The following CGGBP1 variants were observed in gnomAD, a reference collection of about 807,000 sequenced individuals.
CGGBP1 encodes CGG triplet repeat-binding protein 1.
Under a neutral mutation model 11.4 loss-of-function variants are expected in CGGBP1, and 4 were observed. That is an observed-to-expected ratio of 0.35 (90% confidence interval 0.17 to 0.80). The LOEUF is 0.80. Among genes scored for constraint, CGGBP1 ranks in the 30% least tolerant of loss-of-function variants. The pLI is 0.52. For missense variants in CGGBP1, 135 were observed against 202.1 expected, an observed-to-expected ratio of 0.67 and a Z score of 2.01; for synonymous variants, 76 against 74.1, an observed-to-expected ratio of 1.03 and a Z score of -0.13.
Position 88,139,814 on chromosome 3 carries a change from T to C in CGGBP1, c.-229+1156A>G, listed in dbSNP as rs747216698. Reference sequence around the variant, plus strand: ...AAGGTGATTATGAAGAAGATGATTATGACCTGAATCAAGAAACTTCAGTAA... The same window carrying C: ...AAGGTGATTATGAAGAAGATGATTACGACCTGAATCAAGAAACTTCAGTAA... On this transcript the variant is annotated intron_variant, in intron 2 of 3. Coordinates refer to the CGGBP1 transcript ENST00000462901. 7 of 1,561,472 alleles carry C rather than the reference T, an allele frequency of 4.5e-6. No individual in the cohort carries two copies. The East Asian group carries it at 1.4e-4, about 32-fold the overall frequency.
intron 2 of CGGBP1, among the ~76,000 whole-genome samples, chr3:88,097,717 G>A (rs1559707998): frequency 6.6e-6 from 1 of 151,976 alleles, no homozygotes; most frequent in Non-Finnish European, 1.5e-5. Context: ...CTGAACAACC[G>A]GCTCCTGAAT....
At chr3:88,056,441 G>A (rs1281919105) in intron 3 of CGGBP1, 1 of 152,274 alleles carries the variant, frequency 6.6e-6, no homozygotes, top group Non-Finnish European at 1.5e-5. Context: ...ACACAACTGT[G>A]GATAAAGTTT....
chr3:88,113,636 A>G (rs1231118796), intron 2 of CGGBP1, among the ~76,000 whole-genome samples: 1 of 152,090 alleles, frequency 6.6e-6, no homozygotes, highest in African/African-American at 2.4e-5. Context: ...GAAGAGAGTA[A>G]ATTCAGATGG....
intron 2 of CGGBP1, among the ~76,000 whole-genome samples, chr3:88,111,688 T>C (rs1451340179): frequency 6.6e-6 from 1 of 152,004 alleles, no homozygotes; most frequent in Non-Finnish European, 1.5e-5. Flanking sequence ...TATATGTATA[T>C]TTCGAGGATG....
Position 88,058,029 on chromosome 3 carries a change from T to C in CGGBP1, c.-136A>G, listed in dbSNP as rs8274. The C allele has an allele frequency of 0.13, 19,361 of 152,290 alleles. 1,269 individuals are homozygous for C. The highest frequency in any genetic ancestry group is 0.15 in the African/African-American group (6,266 of 41,552). 9.4% of individuals were successfully genotyped at this position (152,290 alleles called of 1,614,324 possible). ...AGTTTAAATGTTTACCGGATTAGTT[T>C]CCAGTTTTTTTCGTCTTGATACTTA... On this transcript the variant is annotated 5_prime_UTR_variant, in exon 2 of 4. Transcript: ENST00000482016.
intron 2 of CGGBP1, among the ~76,000 whole-genome samples, chr3:88,104,538 T>G (rs1348686006): frequency 1.3e-5 from 2 of 152,214 alleles, no homozygotes. Context: ...AAAATTGTAG[T>G]GAAATATTAT....
At chr3:88,137,385 T>C (rs896676573) in intron 2 of CGGBP1, among the ~76,000 whole-genome samples, 1 of 152,104 alleles carries the variant, frequency 6.6e-6, no homozygotes, top group African/African-American at 2.4e-5. Flanking sequence ...GATGGATTTA[T>C]AGGAGCAAAC....
At chr3:88,074,139 G>C (rs1047832418) in intron 2 of CGGBP1, among the ~76,000 whole-genome samples, 1 of 152,044 alleles carries the variant, frequency 6.6e-6, no homozygotes, top group African/African-American at 2.4e-5. Context: ...TTAAAGTCTA[G>C]AGTCTAAAGA....
At chr3:88,129,975 GA>G (rs916734347) in intron 2 of CGGBP1, 1 of 610,892 alleles carries the variant, frequency 1.6e-6, no homozygotes, top group African/African-American at 1.9e-5. Context: ...TAGATTCTAA[GA>G]ACTAGAGACT....
intron 3 of CGGBP1, 151 bp downstream of exon 3, chr3:88,057,040 C>A (rs1706561623): frequency 6.6e-6 from 1 of 152,046 alleles, no homozygotes; most frequent in African/African-American, 2.4e-5. Flanking sequence ...CTTACAATAA[C>A]CAAGACTTAA....
upstream of CGGBP1, chr3:88,059,446 G>A (rs747122309): frequency 2.0e-6 from 3 of 1,520,842 alleles, no homozygotes; most frequent in Non-Finnish European, 2.6e-6. Context: ...CGCTGGCAGC[G>A]GCAACTGCGG....
intron 1 of CGGBP1, among the ~76,000 whole-genome samples, chr3:88,146,371 TC>T (rs1191823754): frequency 6.6e-6 from 1 of 152,178 alleles, no homozygotes. Context: ...TATTAATAGC[TC>T]CTTAAATGGT....
intron 1 of CGGBP1, among the ~76,000 whole-genome samples, chr3:88,141,388 A>C (rs1238969990): frequency 6.6e-6 from 1 of 152,110 alleles, no homozygotes; most frequent in Non-Finnish European, 1.5e-5. Context: ...CATATAATAA[A>C]AGTTGTAATT....
intron 2 of CGGBP1, among the ~76,000 whole-genome samples, chr3:88,134,756 T>C (rs1288706297): frequency 6.6e-6 from 1 of 152,114 alleles, no homozygotes; most frequent in African/African-American, 2.4e-5. Flanking sequence ...TTTTAAGTAA[T>C]ATCAGTATTG....
At chr3:88,087,413 C>A in intron 2 of CGGBP1, among the ~76,000 whole-genome samples, 1 of 152,114 alleles carries the variant, frequency 6.6e-6, no homozygotes, top group East Asian at 1.9e-4. Context: ...TAGAGAACTT[C>A]AAATTAAAGA....
intron 2 of CGGBP1, chr3:88,135,193 C>T (rs1367230325): frequency 2.0e-6 from 3 of 1,482,864 alleles, no homozygotes; most frequent in Admixed American, 4.7e-5. Flanking sequence ...TGAAAATCAT[C>T]AAAGATGAGG....
At chr3:88,099,787 A>C (rs1421357318) in intron 2 of CGGBP1, among the ~76,000 whole-genome samples, 2 of 152,080 alleles carry the variant, frequency 1.3e-5, no homozygotes, top group East Asian at 1.9e-4. Context: ...AAAGCTGAAA[A>C]TGGGTCCCTT....
chr3:88,060,407 C>A (rs1373504736), upstream of CGGBP1, among the ~76,000 whole-genome samples: 1 of 152,154 alleles, frequency 6.6e-6, no homozygotes, highest in Non-Finnish European at 1.5e-5. Flanking sequence ...ACTCTGCATT[C>A]TCATCTACCT....
Position 88,055,162 on chromosome 3 carries a change from A to G in CGGBP1, c.*311T>C. 1 of 213,928 alleles carries G rather than the reference A, an allele frequency of 4.7e-6. No homozygotes were observed. The highest frequency in any genetic ancestry group is 9.2e-6 in the Non-Finnish European group (1 of 109,166). The allele number at this position is 213,928 out of a possible 1,614,324, so 13.3% of individuals were successfully genotyped here. A position where few individuals can be genotyped will look rare whatever the true frequency, so the allele number is the denominator to read the frequency against. On this transcript the variant is annotated 3_prime_UTR_variant, in exon 4 of 4. Coordinates refer to ENST00000482016, the MANE Select transcript of CGGBP1 (RefSeq NM_001008390.2). The surrounding 1 kb of genome is among the most constrained non-coding windows in gnomAD (Gnocchi z 4.2). ...GAATAATCATACATGGCAACAGGGT[A>G]AAAAAGCAGGGCAGTTCTTCCATGC...
Sources: gnomAD v4.1 joint callset for allele counts (sites outside exome capture counted in the v4.1 genomes callset) on GRCh38, gnomAD v4.1.1 for gene constraint, Gnocchi (gnomAD v3.1) non-coding constraint, MANE v1.5 for transcripts, NCBI Gene and HGNC (gene_info 2026-07-23, HGNC 2026-07-21) for gene names.